TAF4: variants seen among roughly 807,000 people sequenced by gnomAD.
TAF4 encodes the protein transcription initiation factor TFIID subunit 4.
A neutral mutation model predicts 90.3 loss-of-function variants in TAF4; 9 were observed. The observed-to-expected ratio is 0.10, with a 90% CI of 0.06 to 0.17. The LOEUF (loss-of-function observed/expected upper bound fraction) is 0.17. Ranked by LOEUF, TAF4 falls within the 10% of genes least tolerant of loss-of-function variation. The probability of loss-of-function intolerance (pLI) is 1.00; values close to 1 mark genes in which losing one functional copy is unlikely to be tolerated. For missense variants in TAF4, 1,351 were observed against 1,370.7 expected (o/e 0.99, Z 0.23); for synonymous variants, 818 against 638.9 (o/e 1.28, Z -4.23).
Position 62,064,754 on chromosome 20 carries a change from C to T in TAF4, c.1057G>A (p.Ala353Thr). 4.3e-6 allele frequency: 5 copies of T among 1,160,962 alleles called. No homozygotes were observed. The highest frequency in any genetic ancestry group is 5.3e-6 in the Non-Finnish European group (5 of 946,312). 71.9% of individuals were successfully genotyped at this position (1,160,962 alleles called of 1,614,324 possible). A position where few individuals can be genotyped will look rare whatever the true frequency, so the allele number is the denominator to read the frequency against. Residue 353 changes from alanine to threonine, a missense_variant, in exon 1 of 15, where the codon GCG becomes ACG. This residue lies in a region of TAF4 where 782 missense variants were observed against 536.6 expected (regional missense o/e 1.46). Coordinates refer to ENST00000252996, the MANE Select transcript of TAF4 (RefSeq NM_003185.4). ...AGGGTCTGCGCCGCCGGGGGCGCCG[C>T]CTGCACCACCCTCTTGGGCGACTCG... ...KAESPKRVVQ[A>T]APPAAQTLAA...
chr20:62,023,423 T>C (rs2055855006), intron 1 of TAF4, among the ~76,000 whole-genome samples: 1 of 151,618 alleles, frequency 6.6e-6, no homozygotes, highest in Non-Finnish European at 1.5e-5. Flanking sequence ...AGAATGAGAC[T>C]CCCTCTCAAA....
chr20:61,980,869 G>A (rs1317131578), intron 14 of TAF4: 1 of 152,590 alleles, frequency 6.6e-6, no homozygotes, highest in African/African-American at 2.4e-5. Context: ...GTGGGACAGG[G>A]GTCTGTGGGA....
rs149552184 is a variant in TAF4, at chr20:62,002,276, C to T, written c.2486+884G>A. On this transcript the variant is annotated intron_variant, in intron 9 of 14. Coordinates refer to ENST00000252996, the MANE Select transcript of TAF4 (RefSeq NM_003185.4). Reference sequence around the variant, plus strand: ...ACTCTGGCTCAGGCCACAGCCACTCCCCAGGCCTGCTATGCCCTGCCTGAT... The same window carrying T: ...ACTCTGGCTCAGGCCACAGCCACTCTCCAGGCCTGCTATGCCCTGCCTGAT... Among the ~76,000 whole-genome samples, 120 of 152,298 alleles carry T rather than the reference C, an allele frequency of 7.9e-4. 3 individuals carry two copies. In the East Asian group the frequency reaches 0.022, roughly 27 times the overall value.
Position 62,064,983 on chromosome 20 carries a change from CGCGGGGGGTGGCGGGG to C in TAF4, c.812_827del (p.Pro271ArgfsTer133). The stretch of plus-strand genomic sequence containing the variant: ...CGGGCGGCCGGGCCAGAGTGGCGGG[CGCGGGGGGTGGCGGGG>C]GCGGGGCGGCGGCGGGGGCGGCGGG... On this transcript the variant is annotated frameshift_variant, in exon 1 of 15. Transcript: ENST00000252996. LOFTEE classifies it high-confidence loss of function. 3.1e-5 allele frequency: 7 copies of C among 226,184 alleles called. No individual in the cohort carries two copies. The highest frequency in any genetic ancestry group is 4.0e-5 in the Non-Finnish European group (7 of 176,482). 14.0% of individuals were successfully genotyped at this position (226,184 alleles called of 1,614,324 possible). A position where few individuals can be genotyped will look rare whatever the true frequency, so the allele number is the denominator to read the frequency against.
intron 1 of TAF4, among the ~76,000 whole-genome samples, chr20:62,039,081 G>A (rs966395661): frequency 1.3e-5 from 2 of 151,924 alleles, no homozygotes; most frequent in African/African-American, 4.8e-5. Context: ...AGCTATCAAG[G>A]TATCAAGAGG....
rs768532522 is a variant in TAF4, at chr20:62,012,823, C to T, written c.1633G>A (p.Gly545Ser). ...GCCGCCTGCCCTCTCACCTGGACGCCGGGCGAGCGCTGCAGGGTTGCACTG... is the reference window on the plus strand; with the variant it reads ...GCCGCCTGCCCTCTCACCTGGACGCTGGGCGAGCGCTGCAGGGTTGCACTG... ...QPSATLQRSP[G>S]VQPQLVLGGA... The change falls in exon 3 of 15, where the codon GGC (glycine) becomes AGC (serine). Residue 545 changes from glycine to serine, a missense_variant. By Grantham distance (56) the Gly-to-Ser change is moderately conservative (BLOSUM62 0). This residue lies in a region of TAF4 where 143 missense variants were observed against 176.3 expected (regional missense o/e 0.81). Coordinates refer to ENST00000252996, the MANE Select transcript of TAF4 (RefSeq NM_003185.4). The T allele has an allele frequency of 3.1e-6, 5 of 1,611,708 alleles. No homozygotes were observed. Among genetic ancestry groups the T allele is most frequent in the Admixed American group, 1.7e-5 (1 of 59,492 alleles).
intron 1 of TAF4, among the ~76,000 whole-genome samples, chr20:62,053,506 T>C (rs2056042474): frequency 6.6e-6 from 1 of 152,166 alleles, no homozygotes; most frequent in African/African-American, 2.4e-5. Context: ...GAGAAGGTAC[T>C]CTGGAGAAGG....
intron 1 of TAF4, among the ~76,000 whole-genome samples, chr20:62,064,028 C>T (rs1166743991): frequency 1.3e-5 from 2 of 152,254 alleles, no homozygotes; most frequent in Non-Finnish European, 2.9e-5. Context: ...CAGGGGACAG[C>T]TGCTGCCACT....
chr20:61,989,997 G>A (rs2055621201), intron 14 of TAF4, among the ~76,000 whole-genome samples: 3 of 152,120 alleles, frequency 2.0e-5, no homozygotes, highest in South Asian at 4.1e-4. Flanking sequence ...AGGTGGGAAC[G>A]TGTGAAATGC....
chr20:62,034,881 C>T lies in TAF4; in HGVS notation c.1361-20174G>A, dbSNP rs905859188. ...TGTCACCCAGGCTGGAGTACAGTGGCGCAATCTCGGCTCACTGCAAGCTCC... is the reference window on the plus strand; with the variant it reads ...TGTCACCCAGGCTGGAGTACAGTGGTGCAATCTCGGCTCACTGCAAGCTCC... On this transcript the variant is annotated intron_variant, in intron 1 of 14. Coordinates refer to ENST00000252996, the MANE Select transcript of TAF4 (RefSeq NM_003185.4). Among the ~76,000 whole-genome samples the T allele has an allele frequency of 2.1e-4, 31 of 148,752 alleles. 1 individual carries two copies. The highest frequency in any genetic ancestry group is 6.2e-4 in the African/African-American group (25 of 40,494).
At chr20:61,991,618 AAGAG>A (rs140962042) in intron 14 of TAF4, among the ~76,000 whole-genome samples, 16 of 152,050 alleles carry the variant, frequency 1.1e-4, no homozygotes, top group South Asian at 1.0e-3. Context: ...AACAAAAAAA[AAGAG>A]AGAGAGAGAT....
chr20:62,002,069 G>T (rs986213636), intron 9 of TAF4, among the ~76,000 whole-genome samples: 1 of 152,172 alleles, frequency 6.6e-6, no homozygotes, highest in East Asian at 1.9e-4. Flanking sequence ...GCCCACAGGG[G>T]TCACTCTCCT....
intron 4 of TAF4, among the ~76,000 whole-genome samples, 192 bp from the exon 5 acceptor site, chr20:62,009,366 G>A (rs761601330): frequency 3.9e-5 from 6 of 152,196 alleles, no homozygotes; most frequent in Non-Finnish European, 2.9e-5. Context: ...CATGGCCACC[G>A]AAGTCAGCAT....
chr20:62,019,345 C>T (rs1285199298), intron 1 of TAF4, among the ~76,000 whole-genome samples: 3 of 152,250 alleles, frequency 2.0e-5, no homozygotes, highest in East Asian at 1.9e-4. Flanking sequence ...GCTCCCCGGG[C>T]GCACTTCCCA....
chr20:62,013,459 A>G (rs1337734012), intron 2 of TAF4, among the ~76,000 whole-genome samples: 1 of 152,276 alleles, frequency 6.6e-6, no homozygotes, highest in Admixed American at 6.5e-5. Flanking sequence ...GGATGCCCAC[A>G]GTGCAAGTGA....
At position 62,006,366 on chromosome 20, in the gene TAF4, T is replaced by C. The variant is rs2055745040; in HGVS notation, c.2223+144A>G. ...AACCTCTGGTTTCTATTTTAACTATTTAAGGTAATACCCAAGCTTCCTCTA... is the reference window on the plus strand; with the variant it reads ...AACCTCTGGTTTCTATTTTAACTATCTAAGGTAATACCCAAGCTTCCTCTA... On this transcript the variant is annotated intron_variant, in intron 7 of 14. Transcript: ENST00000252996. This position sits in a 1 kb window ranked among gnomAD's most constrained non-coding sequence, Gnocchi z 7.0. 3 of 1,116,826 alleles carry C rather than the reference T, an allele frequency of 2.7e-6. No individual in the cohort carries two copies. The highest frequency in any genetic ancestry group is 3.2e-5 in the African/African-American group (2 of 61,800). The allele number at this position is 1,116,826 out of a possible 1,614,324, so 69.2% of individuals were successfully genotyped here. A position where few individuals can be genotyped will look rare whatever the true frequency, so the allele number is the denominator to read the frequency against.
rs1314543673 is a variant in TAF4, at chr20:62,006,651, C to T, written c.2082G>A (p.Thr694=). The change falls in exon 7 of 15, where the codon ACG becomes ACA. Residue 694 remains threonine (T), a synonymous_variant. Transcript: ENST00000252996. This position sits in a 1 kb window ranked among gnomAD's most constrained non-coding sequence, Gnocchi z 7.0. ...PPTSQATTAL[T]AVVLSSSVQR... is the part of the protein sequence containing the mutation. Reference sequence around the variant, plus strand: ...GGACCGAGCTACTCAGCACCACGGCCGTGAGCGCAGTGGTGGCCTGCGAGG... The same window carrying T: ...GGACCGAGCTACTCAGCACCACGGCTGTGAGCGCAGTGGTGGCCTGCGAGG... 6 of 1,599,596 alleles carry T rather than the reference C, an allele frequency of 3.8e-6. No homozygotes were observed. Among genetic ancestry groups the T allele is most frequent in the South Asian group, 1.1e-5 (1 of 90,078 alleles).
intron 3 of TAF4, among the ~76,000 whole-genome samples, chr20:62,011,841 G>A (rs992275284): frequency 2.6e-5 from 4 of 152,202 alleles, no homozygotes; most frequent in African/African-American, 9.7e-5. Context: ...ACACCATAGA[G>A]ACCTACGCAT....
At chr20:62,032,878 A>G (rs1215916163) in intron 1 of TAF4, among the ~76,000 whole-genome samples, 2 of 152,152 alleles carry the variant, frequency 1.3e-5, no homozygotes, top group Non-Finnish European at 2.9e-5. Flanking sequence ...CTTCCGATCA[A>G]TCCGATTCAT....
Sources: gnomAD v4.1 joint callset for allele counts (sites outside exome capture counted in the v4.1 genomes callset) on GRCh38, gnomAD v4.1.1 for gene constraint, gnomAD v4.1.1 regional missense constraint, Gnocchi (gnomAD v3.1) non-coding constraint, MANE v1.5 for transcripts, NCBI Gene and HGNC (gene_info 2026-07-23, HGNC 2026-07-21) for gene names.